NXPH2: variants seen among roughly 807,000 people sequenced by gnomAD.
NXPH2 encodes the protein neurexophilin-2.
A neutral mutation model predicts 19.8 loss-of-function variants in NXPH2; 5 were observed. The observed-to-expected ratio is 0.25, with a 90% CI of 0.13 to 0.53. The LOEUF is 0.53. Ranked by LOEUF, NXPH2 falls within the 20% of genes least tolerant of loss-of-function variation. The pLI is 0.96. For synonymous variants in NXPH2, 154 were observed against 127.4 expected (o/e 1.21, Z -1.41); for missense variants, 289 against 322.8 (o/e 0.90, Z 0.80).
At chr2:138,739,393 A>G (rs189666341) in intron 1 of NXPH2, among the ~76,000 whole-genome samples, 32 of 152,330 alleles carry the variant, frequency 2.1e-4, no homozygotes, top group Admixed American at 1.9e-3. Flanking sequence ...GATAGTTACT[A>G]GTTGGGATGA....
chr2:138,727,331 C>CA (rs1681374883), intron 1 of NXPH2, among the ~76,000 whole-genome samples: 1 of 152,128 alleles, frequency 6.6e-6, no homozygotes, highest in Admixed American at 6.5e-5. Context: ...GTGGCTAAAC[C>CA]GTTTTGCATT....
chr2:138,752,609 A>C (rs971623748), intron 1 of NXPH2, among the ~76,000 whole-genome samples: 2 of 152,034 alleles, frequency 1.3e-5, no homozygotes, highest in African/African-American at 4.8e-5. Flanking sequence ...ACCAATATTG[A>C]TATATTATTA....
At chr2:138,751,182 A>G (rs1681823494) in intron 1 of NXPH2, among the ~76,000 whole-genome samples, 1 of 152,150 alleles carries the variant, frequency 6.6e-6, no homozygotes, top group South Asian at 2.1e-4. Flanking sequence ...GAACCAGAAT[A>G]TCTTGACACA....
chr2:138,674,144 ATTTTCTTTT>A (rs760317825), intron 1 of NXPH2, among the ~76,000 whole-genome samples: 131 of 150,666 alleles, frequency 8.7e-4, no homozygotes, highest in Non-Finnish European at 1.5e-3. Context: ...TGCCTGGCTA[ATTTTCTTTT>A]TTTTCTTTTT....
rs376823775 is a variant in NXPH2, at chr2:138,669,331, T to G, written c.*1591A>C. On this transcript the variant is annotated 3_prime_UTR_variant, in exon 2 of 2. Transcript: ENST00000272641. Reference sequence around the variant, plus strand: ...GAAAATAAAAAGATGTTTCAAAATATTAATCACCAACCACAAAATTACAAA... The same window carrying G: ...GAAAATAAAAAGATGTTTCAAAATAGTAATCACCAACCACAAAATTACAAA... Among the ~76,000 whole-genome samples, 5 of 152,252 alleles carry G rather than the reference T, an allele frequency of 3.3e-5. No homozygotes were observed. Among genetic ancestry groups the G allele is most frequent in the South Asian group, 4.1e-4 (2 of 4,828 alleles).
intron 1 of NXPH2, among the ~76,000 whole-genome samples, chr2:138,741,569 A>T (rs1426126636): frequency 6.6e-6 from 1 of 152,128 alleles, no homozygotes; most frequent in African/African-American, 2.4e-5. Context: ...TAGGGATGTA[A>T]TTTCCCTGTC....
At chr2:138,686,955 A>T (rs893146638) in intron 1 of NXPH2, among the ~76,000 whole-genome samples, 57 of 152,172 alleles carry the variant, frequency 3.7e-4, no homozygotes, top group South Asian at 2.9e-3. Flanking sequence ...TCTATCATTG[A>T]TGGACATTTG....
chr2:138,760,282 C>T (rs758340455), intron 1 of NXPH2, among the ~76,000 whole-genome samples: 5 of 152,126 alleles, frequency 3.3e-5, no homozygotes, highest in East Asian at 1.9e-4. Context: ...ATCTGCAAAC[C>T]GTCTCCATTG....
At chr2:138,696,486 G>A (rs549063849) in intron 1 of NXPH2, among the ~76,000 whole-genome samples, 2 of 152,256 alleles carry the variant, frequency 1.3e-5, no homozygotes, top group South Asian at 4.2e-4. Flanking sequence ...TGGCCCATAT[G>A]CTCATTATAA....
At chr2:138,771,328 C>T (rs1682171096) in intron 1 of NXPH2, among the ~76,000 whole-genome samples, 1 of 151,986 alleles carries the variant, frequency 6.6e-6, no homozygotes, top group Non-Finnish European at 1.5e-5. Context: ...TGGTACTGTG[C>T]ATGATATAAT....
intron 1 of NXPH2, among the ~76,000 whole-genome samples, chr2:138,751,143 T>G (rs2104833654): frequency 6.6e-6 from 1 of 151,906 alleles, no homozygotes; most frequent in South Asian, 2.1e-4. Context: ...GAATATATGC[T>G]CATGAGAGCA....
intron 1 of NXPH2, among the ~76,000 whole-genome samples, chr2:138,708,525 A>G (rs562306693): frequency 1.3e-5 from 2 of 152,242 alleles, no homozygotes; most frequent in Non-Finnish European, 2.9e-5. Context: ...TAGCAATTTG[A>G]GTGAACATTG....
chr2:138,682,455 A>T lies in NXPH2; in HGVS notation c.52-10790T>A, dbSNP rs141176013. ...TTAAAAGAAGAATGACAAAAAAAGA[A>T]TGAAAAATGATAGAATCAAACATAT... On this transcript the variant is annotated intron_variant, in intron 1 of 1. Coordinates refer to ENST00000272641, the MANE Select transcript of NXPH2 (RefSeq NM_007226.3). 8.7e-4 allele frequency among the ~76,000 whole-genome samples: 133 copies of T among 152,320 alleles called. 1 individual carries two copies. Among genetic ancestry groups the T allele is most frequent in the Middle Eastern group, 6.8e-3 (2 of 294 alleles).
At chr2:138,686,249 TG>T (rs1368901889) in intron 1 of NXPH2, among the ~76,000 whole-genome samples, 1 of 152,134 alleles carries the variant, frequency 6.6e-6, no homozygotes, top group East Asian at 1.9e-4. Flanking sequence ...GATCTCCTAG[TG>T]GGGTCTTCTT....
intron 1 of NXPH2, among the ~76,000 whole-genome samples, chr2:138,773,984 A>AAAT (rs1313435275): frequency 6.6e-6 from 1 of 152,102 alleles, no homozygotes; most frequent in African/African-American, 2.4e-5. Context: ...TTTATTTTTA[A>AAAT]AATTTTGTAA....
chr2:138,691,483 C>T (rs1003770354), intron 1 of NXPH2, among the ~76,000 whole-genome samples: 3 of 152,140 alleles, frequency 2.0e-5, no homozygotes, highest in Non-Finnish European at 2.9e-5. Flanking sequence ...GATAGTTTTC[C>T]TGAGTCTGTC....
rs563204260 is a variant in NXPH2 at position 138,670,455 on chromosome 2, A to T, written c.*467T>A. On this transcript the variant is annotated 3_prime_UTR_variant, in exon 2 of 2. Coordinates refer to ENST00000272641, the MANE Select transcript of NXPH2 (RefSeq NM_007226.3). ...TGGATGGGGGAAAAGATAGAAATAT[A>T]AAAAAAAGGGTCCAATGTCAAAAAC... 2.0e-5 allele frequency among the ~76,000 whole-genome samples: 3 copies of T among 152,160 alleles called. No individual in the cohort carries two copies. The East Asian group carries it at 5.8e-4, about 29-fold the overall frequency.
rs1254082087 is a variant in NXPH2, at chr2:138,671,224, T to C, written c.493A>G (p.Lys165Glu). Reference sequence around the variant, plus strand: ...GGGGAAACTTCAAATTCCACCACCTTGGAGGGTGGTACCAAGCTCACTGAA... The same window carrying C: ...GGGGAAACTTCAAATTCCACCACCTCGGAGGGTGGTACCAAGCTCACTGAA... ...NVSVSLVPPSKVVEFEVSPQS... is the reference protein window; with the variant it reads ...NVSVSLVPPSEVVEFEVSPQS... Residue 165 changes from lysine (K) to glutamate (E), a missense_variant, in exon 2 of 2, where the codon AAG becomes GAG. Transcript: ENST00000272641. 6.2e-7 allele frequency: 1 copy of C among 1,613,916 alleles called. No homozygotes were observed. Among genetic ancestry groups the C allele is most frequent in the Admixed American group, 1.7e-5 (1 of 60,026 alleles).
At chr2:138,694,061 T>A (rs1393152669) in intron 1 of NXPH2, among the ~76,000 whole-genome samples, 1 of 152,066 alleles carries the variant, frequency 6.6e-6, no homozygotes, top group African/African-American at 2.4e-5. Context: ...CTAAAATATA[T>A]AATTATATGA....
Sources: gnomAD v4.1 joint callset for allele counts (sites outside exome capture counted in the v4.1 genomes callset) on GRCh38, gnomAD v4.1.1 for gene constraint, MANE v1.5 for transcripts, NCBI Gene and HGNC (gene_info 2026-07-23, HGNC 2026-07-21) for gene names.